Variants in DMRT1 observed in about 807,000 individuals in gnomAD.
The protein encoded by DMRT1 is doublesex- and mab-3-related transcription factor 1.
In DMRT1, 7 loss-of-function variants were observed where a neutral mutation model predicts 32.3. The ratio of observed to expected loss-of-function variants is 0.22; its 90% CI spans 0.12 to 0.41. The LOEUF (loss-of-function observed/expected upper bound fraction) is 0.41. Among genes scored for constraint, DMRT1 ranks in the 10% least tolerant of loss-of-function variants. The pLI, the probability that DMRT1 is intolerant of heterozygous loss-of-function variation, is 1.00. For missense variants in DMRT1, 625 were observed against 500.5 expected, an observed-to-expected ratio of 1.25 and a Z score of -2.37; for synonymous variants, 278 against 206.1, an observed-to-expected ratio of 1.35 and a Z score of -2.99.
At chr9:855,597 C>G (rs1815364296) in intron 2 of DMRT1, among the ~76,000 whole-genome samples, 1 of 152,204 alleles carries the variant, frequency 6.6e-6, no homozygotes, top group Admixed American at 6.5e-5. Context: ...CATTTTTGTT[C>G]TGTGATATTT....
chr9:953,903 C>G (rs1162308077), intron 4 of DMRT1, among the ~76,000 whole-genome samples: 1 of 152,160 alleles, frequency 6.6e-6, no homozygotes, highest in African/African-American at 2.4e-5. Context: ...ATAACATGGT[C>G]CCTCCTCTGG....
At chr9:850,087 G>A (rs542958818) in intron 2 of DMRT1, among the ~76,000 whole-genome samples, 1 of 152,314 alleles carries the variant, frequency 6.6e-6, no homozygotes, top group Admixed American at 6.5e-5. Context: ...CCAAAGTTCT[G>A]GGATTACAGG....
chr9:921,813 A>T (rs1818363339), intron 4 of DMRT1, among the ~76,000 whole-genome samples: 1 of 152,188 alleles, frequency 6.6e-6, no homozygotes, highest in Non-Finnish European at 1.5e-5. Context: ...CCCAGGCTGC[A>T]GTGAGCTATG....
intron 2 of DMRT1, among the ~76,000 whole-genome samples, chr9:849,136 G>A (rs1219456704): frequency 1.3e-5 from 2 of 151,942 alleles, no homozygotes; most frequent in African/African-American, 4.8e-5. Context: ...GAAAACCAAG[G>A]CTTAGTAAAT....
chr9:924,026 G>T (rs528408143), intron 4 of DMRT1, among the ~76,000 whole-genome samples: 4 of 151,594 alleles, frequency 2.6e-5, no homozygotes, highest in African/African-American at 7.3e-5. Context: ...ACGAGGTCTT[G>T]CTCAGGTCCC....
chr9:924,941 T>G (rs964735836), intron 4 of DMRT1, among the ~76,000 whole-genome samples: 3 of 152,172 alleles, frequency 2.0e-5, no homozygotes, highest in African/African-American at 7.2e-5. Flanking sequence ...AGGCAAACTG[T>G]GGGCAAGATT....
At chr9:863,970 T>C (rs1815845196) in intron 2 of DMRT1, among the ~76,000 whole-genome samples, 1 of 152,074 alleles carries the variant, frequency 6.6e-6, no homozygotes, top group African/African-American at 2.4e-5. Context: ...CCCCCGACTA[T>C]TTGGTATTTT....
In DMRT1 at chr9:911,036, T is replaced by G. The variant is rs568331494; in HGVS notation, c.823-5727T>G. Among the ~76,000 whole-genome samples, 215 of 152,304 alleles carry G rather than the reference T, an allele frequency of 1.4e-3. 1 individual carries two copies. Among genetic ancestry groups the G allele is most frequent in the African/African-American group, 5.1e-3 (211 of 41,562 alleles). On this transcript the variant is annotated intron_variant, in intron 3 of 4. Coordinates refer to ENST00000382276, the MANE Select transcript of DMRT1 (RefSeq NM_021951.3). ...TTGTCCCTCAGCAGCACTTAGCTGT[T>G]TTCTTCTAGCTGGAGGTGAGGGACT...
intron 4 of DMRT1, among the ~76,000 whole-genome samples, chr9:948,546 C>G (rs761949760): frequency 2.4e-4 from 36 of 152,182 alleles, no homozygotes; most frequent in Non-Finnish European, 4.6e-4. Context: ...TCTCTGCTGG[C>G]CCGGGACAGA....
intron 4 of DMRT1, among the ~76,000 whole-genome samples, chr9:926,687 T>TAGAGAGAG (rs57146042): frequency 2.5e-4 from 7 of 27,588 alleles, no homozygotes; most frequent in Admixed American, 1.6e-3. Flanking sequence ...AAGACACAGG[T>TAGAGAGAG]AGAGAGAGAG....
intron 2 of DMRT1, among the ~76,000 whole-genome samples, chr9:880,534 C>T (rs916356140): frequency 1.3e-5 from 2 of 151,682 alleles, no homozygotes. Flanking sequence ...CGAGACCAGC[C>T]TGGCCAATAT....
chr9:873,415 C>T (rs1476722630), intron 2 of DMRT1, among the ~76,000 whole-genome samples: 2 of 151,888 alleles, frequency 1.3e-5, no homozygotes, highest in Non-Finnish European at 2.9e-5. Flanking sequence ...AAGTGATTCT[C>T]CTGCCTCAGA....
intron 2 of DMRT1, among the ~76,000 whole-genome samples, chr9:892,439 T>C (rs1365211049): frequency 6.6e-6 from 1 of 152,070 alleles, no homozygotes; most frequent in African/African-American, 2.4e-5. Flanking sequence ...CCCTCTGCTC[T>C]ACACACCCAG....
intron 2 of DMRT1, among the ~76,000 whole-genome samples, chr9:865,526 C>G (rs1415447438): frequency 1.3e-5 from 2 of 151,984 alleles, no homozygotes; most frequent in East Asian, 1.9e-4. Context: ...AGTACATGAA[C>G]AAGTCATAGA....
chr9:910,570 T>C (rs904857069), intron 3 of DMRT1, among the ~76,000 whole-genome samples: 21 of 152,170 alleles, frequency 1.4e-4, no homozygotes, highest in South Asian at 1.0e-3. Context: ...GGTTTTTTTT[T>C]CAGATATTAT....
chr9:882,754 C>A (rs1207981995), intron 2 of DMRT1, among the ~76,000 whole-genome samples: 1 of 148,054 alleles, frequency 6.8e-6, no homozygotes, highest in Non-Finnish European at 1.5e-5. Flanking sequence ...CCCGTCTCCC[C>A]TGAATCTTTT....
intron 3 of DMRT1, among the ~76,000 whole-genome samples, chr9:900,066 G>A (rs917000069): frequency 3.3e-5 from 5 of 152,220 alleles, no homozygotes; most frequent in Non-Finnish European, 5.9e-5. Flanking sequence ...ATGTGCTGGG[G>A]ATCTACCACT....
At chr9:931,388 T>G (rs1301300648) in intron 4 of DMRT1, among the ~76,000 whole-genome samples, 1 of 152,226 alleles carries the variant, frequency 6.6e-6, no homozygotes, top group East Asian at 1.9e-4. Flanking sequence ...TAGAACCTCT[T>G]CTATGCAGTG....
At chr9:962,139 T>C (rs141173522) in intron 4 of DMRT1, among the ~76,000 whole-genome samples, 1 of 152,292 alleles carries the variant, frequency 6.6e-6, no homozygotes, top group East Asian at 1.9e-4. Flanking sequence ...ACTTTGACTG[T>C]TTGGATTGCG....
Sources: gnomAD v4.1 joint callset for allele counts (sites outside exome capture counted in the v4.1 genomes callset) on GRCh38, gnomAD v4.1.1 for gene constraint, MANE v1.5 for transcripts, NCBI Gene and HGNC (gene_info 2026-07-23, HGNC 2026-07-21) for gene names.